Variants in MRPS23 observed in about 807,000 individuals in gnomAD.
MRPS23 encodes the protein small ribosomal subunit protein mS23.
MRPS23 carries 14 observed loss-of-function variants against 19.8 expected under a neutral mutation model. The observed-to-expected ratio is 0.71, with a 90% CI of 0.47 to 1.11. MRPS23 has a LOEUF of 1.11. Among genes scored for constraint, MRPS23 ranks in the 50% least tolerant of loss-of-function variants. The pLI is 0.00. For missense variants in MRPS23, 242 were observed against 236.7 expected (o/e 1.02, Z -0.15); for synonymous variants, 113 against 89.7 (o/e 1.26, Z -1.47).
intron 1 of MRPS23, 32 bp from the exon 2 acceptor site, chr17:57,849,442 C>T (rs1195028525): frequency 1.2e-6 from 2 of 1,606,426 alleles, no homozygotes; most frequent in Non-Finnish European, 1.7e-6. Flanking sequence ...AACTGGGTCA[C>T]TTGCAGTAGC....
intron 4 of MRPS23, 116 bp downstream of exon 4, chr17:57,840,810 A>G (rs948702684): frequency 2.9e-6 from 4 of 1,375,898 alleles, no homozygotes; most frequent in African/African-American, 1.5e-5. Context: ...GCACTTTATA[A>G]AAGGTATTTC....
intron 2 of MRPS23, among the ~76,000 whole-genome samples, chr17:57,848,566 G>C (rs1259392891): frequency 6.6e-6 from 1 of 151,668 alleles, no homozygotes; most frequent in Admixed American, 6.6e-5. Context: ...GTAGAGACGG[G>C]GTTTCACCAT....
At position 57,837,720 on chromosome 17, in the gene MRPS23, C is replaced by T. The variant is rs2073713733; in HGVS notation, c.*2063G>A. 2.6e-5 allele frequency: 4 copies of T among 152,118 alleles called. No homozygotes were observed. Among genetic ancestry groups the T allele is most frequent in the Admixed American group, 6.5e-5 (1 of 15,278 alleles). 9.4% of individuals were successfully genotyped at this position (152,118 alleles called of 1,614,324 possible). A position where few individuals can be genotyped will look rare whatever the true frequency, so the allele number is the denominator to read the frequency against. On this transcript the variant is annotated 3_prime_UTR_variant, in exon 5 of 5. Transcript: ENST00000313608. ...GTCGCTCAGGCCTGTAATCCCAGCA[C>T]TTTGGGCGGCTGAGGCAGGAGGATC...
intron 2 of MRPS23, among the ~76,000 whole-genome samples, chr17:57,842,891 TACACACAC>T (rs35501487): frequency 8.5e-4 from 65 of 76,606 alleles, no homozygotes; most frequent in African/African-American, 2.7e-3. Flanking sequence ...TATATATATA[TACACACAC>T]ACACACACAC....
chr17:57,849,820 A>C (rs2073800290), intron 1 of MRPS23, 147 bp downstream of exon 1: 1 of 933,482 alleles, frequency 1.1e-6, no homozygotes, highest in African/African-American at 1.7e-5. Flanking sequence ...AGCCAGGAGA[A>C]AACATGAGAG....
chr17:57,842,708 A>C (rs994359856), intron 2 of MRPS23, among the ~76,000 whole-genome samples: 3 of 151,898 alleles, frequency 2.0e-5, no homozygotes, highest in Non-Finnish European at 4.4e-5. Context: ...ACGAGCACCT[A>C]TCTCCCCACA....
chr17:57,849,842 G>C, intron 1 of MRPS23, 125 bp downstream of exon 1: 3 of 1,177,394 alleles, frequency 2.5e-6, no homozygotes, highest in Non-Finnish European at 3.5e-6. Flanking sequence ...GCCTCACCCA[G>C]CTCAGCCCCC....
chr17:57,840,744 T>C, intron 4 of MRPS23, 182 bp downstream of exon 4: 1 of 568,908 alleles, frequency 1.8e-6, no homozygotes, highest in East Asian at 3.0e-5. Flanking sequence ...TATAAATGAT[T>C]TAGAGATGAT....
chr17:57,839,661 A>AAC lies in MRPS23; in HGVS notation c.*121_*122insGT. ...TTGTGACAACCCAGAAATAACTAAG[A>AAC]GAAGGCAAACATAATACCTTAGAGA... On this transcript the variant is annotated 3_prime_UTR_variant, in exon 5 of 5. Coordinates refer to ENST00000313608, the MANE Select transcript of MRPS23 (RefSeq NM_016070.4). 1 of 1,250,542 alleles carries AAC rather than the reference A, an allele frequency of 8.0e-7. No homozygotes were observed. Among genetic ancestry groups the AAC allele is most frequent in the Non-Finnish European group, 1.1e-6 (1 of 924,018 alleles). The allele number at this position is 1,250,542 out of a possible 1,614,324, so 77.5% of individuals were successfully genotyped here.
At position 57,838,279 on chromosome 17, in the gene MRPS23, T is replaced by C. The variant is rs2073718472; in HGVS notation, c.*1504A>G. 2 of 47,432 alleles carry C rather than the reference T, an allele frequency of 4.2e-5. No homozygotes were observed. Among genetic ancestry groups the C allele is most frequent in the Admixed American group, 3.4e-4 (1 of 2,922 alleles). The allele number at this position is 47,432 out of a possible 1,614,324, so 2.9% of individuals were successfully genotyped here. On this transcript the variant is annotated 3_prime_UTR_variant, in exon 5 of 5. Coordinates refer to ENST00000313608, the MANE Select transcript of MRPS23 (RefSeq NM_016070.4). ...TACTCCAGCCTGGGAAACAAAGTGA[T>C]ACTCCATCGCAAAAAAAAAAAAAAA...
In MRPS23 at chr17:57,844,260, C is replaced by G. The variant is rs139261271; in HGVS notation, c.216-3000G>C. On this transcript the variant is annotated intron_variant, in intron 2 of 4. Coordinates refer to ENST00000313608, the MANE Select transcript of MRPS23 (RefSeq NM_016070.4). ...ACTCCAATGGTCCTCCTTCCTCAGC[C>G]TCCCAAGTAGCTGGAACTACAGGCA... 3.3e-4 allele frequency among the ~76,000 whole-genome samples: 50 copies of G among 151,180 alleles called. No individual in the cohort carries two copies. The East Asian group carries it at 9.3e-3, about 28-fold the overall frequency.
chr17:57,846,448 G>A (rs1486703759), intron 2 of MRPS23, among the ~76,000 whole-genome samples: 2 of 152,242 alleles, frequency 1.3e-5, no homozygotes, highest in Non-Finnish European at 1.5e-5. Flanking sequence ...GGGCCATGAT[G>A]ACGATGGGGG....
At position 57,834,853 on chromosome 17, in the gene MRPS23, G is replaced by A. The variant is rs928549566; in HGVS notation, c.*4930C>T. ...TAACAAAATCAGGAGTCCTTCGGGG[G>A]CAGATTATTCTGTAATACCACTTTC... On this transcript the variant is annotated 3_prime_UTR_variant, in exon 5 of 5. Transcript: ENST00000313608. 5 of 152,178 alleles carry A rather than the reference G, an allele frequency of 3.3e-5. No homozygotes were observed. Among genetic ancestry groups the A allele is most frequent in the Non-Finnish European group, 5.9e-5 (4 of 68,028 alleles). The allele number at this position is 152,178 out of a possible 1,614,324, so 9.4% of individuals were successfully genotyped here. A position where few individuals can be genotyped will look rare whatever the true frequency, so the allele number is the denominator to read the frequency against.
At chr17:57,845,218 C>T (rs1301772456) in intron 2 of MRPS23, among the ~76,000 whole-genome samples, 2 of 152,206 alleles carry the variant, frequency 1.3e-5, no homozygotes, top group African/African-American at 4.8e-5. Flanking sequence ...CAATGAACCA[C>T]AAAGTGCATG....
intron 2 of MRPS23, among the ~76,000 whole-genome samples, chr17:57,846,843 C>G (rs1170106285): frequency 6.6e-6 from 1 of 151,726 alleles, no homozygotes; most frequent in Non-Finnish European, 1.5e-5. Context: ...ATCTGCTGAC[C>G]TTCCCTCCAC....
At position 57,839,903 on chromosome 17, in the gene MRPS23, G is replaced by A. The variant is rs370389221; in HGVS notation, c.453C>T (p.Ser151=). 2.7e-5 allele frequency: 43 copies of A among 1,614,016 alleles called. No individual in the cohort carries two copies. Among genetic ancestry groups the A allele is most frequent in the African/African-American group, 1.1e-4 (8 of 74,912 alleles). ...TCTGTGGTCTGACACTCAAGTGTTC[G>A]GATTTCCGGGAAACGTGACTACCTC... The part of the protein sequence containing the change: ...QHGGSHVSRK[S]EHLSVRPQTA... Residue 151 remains serine (S), a synonymous_variant, in exon 5 of 5, where the codon TCC becomes TCT. Coordinates refer to ENST00000313608, the MANE Select transcript of MRPS23 (RefSeq NM_016070.4).
In MRPS23 at chr17:57,839,876, A is replaced by G. The variant is rs373264132; in HGVS notation, c.480T>C (p.Thr160=). ...TCTGAGTCTCGTTTTCTTCCAACGC[A>G]GTCTGTGGTCTGACACTCAAGTGTT... is the stretch of plus-strand genomic sequence containing the variant. The part of the protein sequence containing the change: ...KSEHLSVRPQ[T]ALEENETQKE... The change falls in exon 5 of 5, where the codon ACT becomes ACC. Residue 160 remains threonine, a synonymous_variant. Transcript: ENST00000313608. 1.7e-5 allele frequency: 27 copies of G among 1,614,090 alleles called. No individual in the cohort carries two copies. In the African/African-American group the frequency reaches 3.2e-4, roughly 19 times the overall value.
rs1045017783 is a variant in MRPS23 at position 57,836,531 on chromosome 17, C to T, written c.*3252G>A. The T allele has an allele frequency of 6.6e-6, 1 of 152,232 alleles. No individual in the cohort carries two copies. The highest frequency in any genetic ancestry group is 1.5e-5 in the Non-Finnish European group (1 of 68,054). 9.4% of individuals were successfully genotyped at this position (152,232 alleles called of 1,614,324 possible). A position where few individuals can be genotyped will look rare whatever the true frequency, so the allele number is the denominator to read the frequency against. On this transcript the variant is annotated 3_prime_UTR_variant, in exon 5 of 5. Coordinates refer to ENST00000313608, the MANE Select transcript of MRPS23 (RefSeq NM_016070.4). The stretch of plus-strand genomic sequence containing the variant: ...ATGTCCATCCCACTGCCTTTCCAGG[C>T]TCTCATGCAGTATTCCTAGACAAAT...
Position 57,839,882 on chromosome 17 carries a change from T to C in MRPS23, c.474A>G (p.Pro158=), listed in dbSNP as rs756529174. The change falls in exon 5 of 5, where the codon CCA becomes CCG. Residue 158 remains proline, a synonymous_variant. Coordinates refer to ENST00000313608, the MANE Select transcript of MRPS23 (RefSeq NM_016070.4). Reference sequence around the variant, plus strand: ...TCTCGTTTTCTTCCAACGCAGTCTGTGGTCTGACACTCAAGTGTTCGGATT... The same window carrying C: ...TCTCGTTTTCTTCCAACGCAGTCTGCGGTCTGACACTCAAGTGTTCGGATT... ...SRKSEHLSVR[P]QTALEENETQ... 3.7e-6 allele frequency: 6 copies of C among 1,614,066 alleles called. No individual in the cohort carries two copies. The highest frequency in any genetic ancestry group is 2.7e-5 in the African/African-American group (2 of 74,922).
Sources: allele counts gnomAD v4.1 joint callset (sites outside exome capture counted in the v4.1 genomes callset), GRCh38; gene constraint gnomAD v4.1.1; transcripts MANE v1.5; gene names NCBI Gene and HGNC (gene_info 2026-07-23, HGNC 2026-07-21).